PPP1R9A: variants seen among roughly 807,000 people sequenced by gnomAD.
PPP1R9A encodes the protein protein phosphatase 1 regulatory subunit 9A.
A neutral mutation model predicts 141.9 loss-of-function variants in PPP1R9A; 59 were observed. That is an observed-to-expected ratio of 0.42 (90% CI 0.34 to 0.52). The LOEUF is 0.52. PPP1R9A is among the 20% of genes least tolerant of loss of function. The pLI, the probability that PPP1R9A is intolerant of heterozygous loss-of-function variation, is 0.10. For synonymous variants in PPP1R9A, 500 were observed against 569.7 expected (o/e 0.88, Z 1.74); for missense variants, 1,444 against 1,611.9 (o/e 0.90, Z 1.78).
intron 2 of PPP1R9A, among the ~76,000 whole-genome samples, chr7:95,054,212 T>A (rs1399536490): frequency 6.6e-6 from 1 of 150,980 alleles, no homozygotes; most frequent in East Asian, 2.0e-4. Context: ...GCCTTCTGGG[T>A]TCAAGCTATT....
intron 4 of PPP1R9A, among the ~76,000 whole-genome samples, chr7:95,129,443 T>G (rs1824179940): frequency 6.6e-6 from 1 of 152,140 alleles, no homozygotes; most frequent in Non-Finnish European, 1.5e-5. Context: ...GAACTATAAG[T>G]CCAATAAACC....
intron 8 of PPP1R9A, among the ~76,000 whole-genome samples, chr7:95,231,743 G>A (rs770050635): frequency 6.6e-6 from 1 of 151,980 alleles, no homozygotes; most frequent in Non-Finnish European, 1.5e-5. Context: ...CAGCAAAAGC[G>A]GTGCTAAGAG....
intron 8 of PPP1R9A, 93 bp from the exon 9 acceptor site, chr7:95,247,380 A>C (rs1286966653): frequency 1.0e-6 from 1 of 987,976 alleles, no homozygotes. Context: ...TAGGCCTTTT[A>C]CTATGTAATA....
intron 12 of PPP1R9A, among the ~76,000 whole-genome samples, chr7:95,255,083 G>T (rs534281313): frequency 3.2e-4 from 48 of 151,838 alleles, no homozygotes; most frequent in African/African-American, 1.1e-3. Flanking sequence ...CAATGTGCTG[G>T]TCAAGTATTT....
At chr7:95,018,032 T>G (rs1480425793) in intron 2 of PPP1R9A, 3 of 153,322 alleles carry the variant, frequency 2.0e-5, no homozygotes. Flanking sequence ...GTATGGGTTT[T>G]AAAGGTTTCA....
In PPP1R9A at chr7:95,290,376, G is replaced by C; in HGVS notation, c.*73G>C. The C allele has an allele frequency of 6.9e-7, 1 of 1,455,534 alleles. No homozygotes were observed. The highest frequency in any genetic ancestry group is 9.2e-7 in the Non-Finnish European group (1 of 1,084,526). The allele number at this position is 1,455,534 out of a possible 1,614,324, so 90.2% of individuals were successfully genotyped here. ...CCTCTTCCTGCCCTGCTCTCCTCCAGAGGATGAAAAAGAAACTAAATGATA... is the reference window on the plus strand; with the variant it reads ...CCTCTTCCTGCCCTGCTCTCCTCCACAGGATGAAAAAGAAACTAAATGATA... On this transcript the variant is annotated 3_prime_UTR_variant, in exon 20 of 20. Coordinates refer to ENST00000433360, the MANE Select transcript of PPP1R9A (RefSeq NM_001166160.2).
At chr7:94,957,195 G>A (rs922265081) in intron 2 of PPP1R9A, among the ~76,000 whole-genome samples, 35 of 152,198 alleles carry the variant, frequency 2.3e-4, no homozygotes, top group Non-Finnish European at 4.6e-4. Context: ...ATAGTTGAAG[G>A]GAAGACATAG....
chr7:94,926,373 C>G (rs975074204), intron 2 of PPP1R9A, among the ~76,000 whole-genome samples: 10 of 152,108 alleles, frequency 6.6e-5, no homozygotes, highest in Non-Finnish European at 1.5e-4. Context: ...ACTATGGAAG[C>G]TGAAGGGGAG....
intron 2 of PPP1R9A, among the ~76,000 whole-genome samples, chr7:94,999,305 T>A (rs1802567442): frequency 6.6e-6 from 1 of 152,146 alleles, no homozygotes; most frequent in African/African-American, 2.4e-5. Flanking sequence ...ACAGTTTAAT[T>A]CTTCCTGAAA....
chr7:95,279,459 AG>A (rs1803762530), intron 16 of PPP1R9A, among the ~76,000 whole-genome samples: 1 of 152,218 alleles, frequency 6.6e-6, no homozygotes, highest in South Asian at 2.1e-4. Context: ...ATGTCAGCTT[AG>A]CCCTAGTAGA....
At chr7:94,918,751 A>G (rs148241748) in intron 2 of PPP1R9A, among the ~76,000 whole-genome samples, 318 of 152,236 alleles carry the variant, frequency 2.1e-3, no homozygotes, top group African/African-American at 7.4e-3. Context: ...AGAATATAGG[A>G]GACTTGAAGA....
chr7:95,283,621 G>C (rs1804697994), intron 16 of PPP1R9A, among the ~76,000 whole-genome samples: 1 of 152,164 alleles, frequency 6.6e-6, no homozygotes, highest in South Asian at 2.1e-4. Context: ...TCCAGAGGAA[G>C]ACAGGAAAGA....
chr7:95,171,018 A>G lies in PPP1R9A; in HGVS notation c.1754+9047A>G, dbSNP rs1832026309. 2.0e-5 allele frequency among the ~76,000 whole-genome samples: 3 copies of G among 151,598 alleles called. 1 individual carries two copies. Among genetic ancestry groups the G allele is most frequent in the Admixed American group, 6.6e-5 (1 of 15,198 alleles). Reference sequence around the variant, plus strand: ...TAGTATATTACTTGGAGACAGACTGAAATAAATTGAAGAGGTATGCTATAA... The same window carrying G: ...TAGTATATTACTTGGAGACAGACTGGAATAAATTGAAGAGGTATGCTATAA... On this transcript the variant is annotated intron_variant, in intron 5 of 19. Coordinates refer to ENST00000433360, the MANE Select transcript of PPP1R9A (RefSeq NM_001166160.2).
intron 6 of PPP1R9A, 125 bp from the exon 7 acceptor site, chr7:95,203,540 T>C: frequency 1.7e-6 from 1 of 584,984 alleles, no homozygotes. Flanking sequence ...GCCGCAATAT[T>C]GTCTTAGTAC....
At chr7:95,183,138 ACT>A (rs1450503282) in intron 5 of PPP1R9A, among the ~76,000 whole-genome samples, 6 of 151,006 alleles carry the variant, frequency 4.0e-5, no homozygotes, top group Non-Finnish European at 7.4e-5. Context: ...ATAGAAAAAT[ACT>A]CTTTCTTTTT....
At chr7:95,004,285 A>G (rs1584228623) in intron 2 of PPP1R9A, among the ~76,000 whole-genome samples, 1 of 152,088 alleles carries the variant, frequency 6.6e-6, no homozygotes, top group African/African-American at 2.4e-5. Context: ...GTGACAGCAC[A>G]ATCACTGGTT....
chr7:94,921,310 G>A (rs1792785211), intron 2 of PPP1R9A, among the ~76,000 whole-genome samples: 1 of 152,000 alleles, frequency 6.6e-6, no homozygotes, highest in Non-Finnish European at 1.5e-5. Context: ...AGCTGGGCGT[G>A]GTTGCGGGCG....
chr7:95,087,697 C>G (rs1032195245), intron 2 of PPP1R9A, among the ~76,000 whole-genome samples: 33 of 151,932 alleles, frequency 2.2e-4, no homozygotes, highest in Non-Finnish European at 4.0e-4. Flanking sequence ...GAGTTCAAGA[C>G]CAGCCTAGCC....
chr7:95,211,371 GTC>G (rs1474358600), intron 7 of PPP1R9A, among the ~76,000 whole-genome samples: 1 of 152,214 alleles, frequency 6.6e-6, no homozygotes, highest in East Asian at 1.9e-4. Context: ...TTAAAACTTT[GTC>G]TCTCTGCCTC....
Sources: allele counts gnomAD v4.1 joint callset (sites outside exome capture counted in the v4.1 genomes callset), GRCh38; gene constraint gnomAD v4.1.1; transcripts MANE v1.5; gene names NCBI Gene and HGNC (gene_info 2026-07-23, HGNC 2026-07-21).